EPHA6: variants seen among roughly 807,000 people sequenced by gnomAD.
EPHA6 encodes EPH receptor A6.
A neutral mutation model predicts 112.0 loss-of-function variants in EPHA6; 50 were observed. The observed-to-expected ratio is 0.45, with a 90% CI of 0.36 to 0.56. The LOEUF (loss-of-function observed/expected upper bound fraction) is 0.56, where lower values mean the gene tolerates loss of function less well. Among genes scored for constraint, EPHA6 ranks in the 20% least tolerant of loss-of-function variants. The pLI, the probability that EPHA6 is intolerant of heterozygous loss-of-function variation, is 0.00. For synonymous variants in EPHA6, 529 were observed against 490.7 expected, an observed-to-expected ratio of 1.08 and a Z score of -1.03; for missense variants, 1,280 against 1,417.4, an observed-to-expected ratio of 0.90 and a Z score of 1.56.
chr3:97,021,297 A>G (rs376215098), intron 3 of EPHA6, among the ~76,000 whole-genome samples: 3 of 152,092 alleles, frequency 2.0e-5, no homozygotes, highest in Non-Finnish European at 2.9e-5. Flanking sequence ...AATAATATCC[A>G]AACTCAGGGT....
intron 11 of EPHA6, chr3:97,559,678 A>C (rs953691280): frequency 2.4e-5 from 11 of 454,122 alleles, no homozygotes; most frequent in African/African-American, 2.2e-4. Flanking sequence ...GAAAAGCAAT[A>C]GAGCTAATGT....
In EPHA6 at chr3:97,756,938, T is replaced by A. The variant is rs1322900746; in HGVS notation, c.*8237T>A. On this transcript the variant is annotated 3_prime_UTR_variant, in exon 18 of 18. Coordinates refer to ENST00000389672, the MANE Select transcript of EPHA6 (RefSeq NM_001080448.3). ...GATATTTTACATAATCATACTTATTTTTAATTTTGTGTACAGTGAAAACTT... is the reference window on the plus strand; with the variant it reads ...GATATTTTACATAATCATACTTATTATTAATTTTGTGTACAGTGAAAACTT... 1.3e-5 allele frequency among the ~76,000 whole-genome samples: 2 copies of A among 151,890 alleles called. No homozygotes were observed. Among genetic ancestry groups the A allele is most frequent in the Non-Finnish European group, 3.0e-5 (2 of 67,768 alleles).
chr3:97,142,677 T>A (rs577886506), intron 3 of EPHA6, among the ~76,000 whole-genome samples: 98 of 151,864 alleles, frequency 6.5e-4, no homozygotes, highest in Non-Finnish European at 1.1e-3. Flanking sequence ...TAATAAAACA[T>A]CTTCCAACAA....
intron 5 of EPHA6, among the ~76,000 whole-genome samples, chr3:97,300,549 T>C (rs2081053227): frequency 6.6e-6 from 1 of 152,178 alleles, no homozygotes; most frequent in Non-Finnish European, 1.5e-5. Flanking sequence ...TGGTAAATTA[T>C]GGACATGTTT....
intron 4 of EPHA6, among the ~76,000 whole-genome samples, chr3:97,232,335 G>C (rs1314133620): frequency 6.6e-6 from 1 of 152,068 alleles, no homozygotes; most frequent in Admixed American, 6.5e-5. Context: ...AAAGAAAGCT[G>C]TTCTCTTACA....
intron 3 of EPHA6, among the ~76,000 whole-genome samples, chr3:97,098,689 T>C (rs1284942057): frequency 6.6e-6 from 1 of 151,838 alleles, no homozygotes; most frequent in Non-Finnish European, 1.5e-5. Context: ...TGGAAAAAGG[T>C]AACACTTTTT....
At chr3:97,464,937 G>A (rs944513976) in intron 7 of EPHA6, among the ~76,000 whole-genome samples, 1 of 152,068 alleles carries the variant, frequency 6.6e-6, no homozygotes, top group Admixed American at 6.6e-5. Flanking sequence ...TAGGATAGCA[G>A]AATTATTTGT....
chr3:97,668,325 A>G (rs1185291537), intron 14 of EPHA6, among the ~76,000 whole-genome samples: 1 of 152,178 alleles, frequency 6.6e-6, no homozygotes, highest in African/African-American at 2.4e-5. Flanking sequence ...GGATCCTCAA[A>G]CATCTTGCCT....
chr3:97,648,238 A>T, intron 14 of EPHA6: 1 of 778,276 alleles, frequency 1.3e-6, no homozygotes, highest in Non-Finnish European at 2.3e-6. Context: ...TAATCTGCAT[A>T]ATTACAGTTC....
chr3:97,701,618 GTA>G (rs10576183), intron 14 of EPHA6, among the ~76,000 whole-genome samples: 13,131 of 147,998 alleles, frequency 0.089, 1,837 homozygotes, highest in African/African-American at 0.3. Flanking sequence ...TCATATATAT[GTA>G]TATATATATA....
chr3:97,583,421 C>T (rs984105214), intron 11 of EPHA6, among the ~76,000 whole-genome samples: 1 of 151,820 alleles, frequency 6.6e-6, no homozygotes, highest in Non-Finnish European at 1.5e-5. Context: ...CGCCTGTAGT[C>T]CCAGCTACTC....
intron 8 of EPHA6, among the ~76,000 whole-genome samples, chr3:97,478,441 C>T (rs1033840453): frequency 2.6e-5 from 4 of 151,992 alleles, no homozygotes; most frequent in African/African-American, 9.7e-5. Context: ...AATAGATATA[C>T]CACTTCAAAG....
At chr3:97,646,298 T>G in intron 14 of EPHA6, 2 of 1,527,348 alleles carry the variant, frequency 1.3e-6, no homozygotes, top group Non-Finnish European at 1.7e-6. Flanking sequence ...ACAAGAGAGA[T>G]AACCCTCCAA....
chr3:97,718,043 A>C (rs1250720401), intron 14 of EPHA6, among the ~76,000 whole-genome samples: 2 of 152,220 alleles, frequency 1.3e-5, no homozygotes, highest in Admixed American at 1.3e-4. Context: ...ACAAAGAAAG[A>C]TCCAGCATGA....
intron 6 of EPHA6, among the ~76,000 whole-genome samples, chr3:97,435,686 G>T (rs2089790760): frequency 6.6e-6 from 1 of 152,080 alleles, no homozygotes; most frequent in African/African-American, 2.4e-5. Flanking sequence ...GCAGAACAGG[G>T]CTCTTCACTG....
intron 14 of EPHA6, among the ~76,000 whole-genome samples, chr3:97,641,730 A>G (rs1032142915): frequency 1.3e-5 from 2 of 152,210 alleles, no homozygotes; most frequent in African/African-American, 4.8e-5. Context: ...CGCTTTTCAG[A>G]CCGGCTTAAA....
chr3:97,064,255 T>C (rs777184687), intron 3 of EPHA6, among the ~76,000 whole-genome samples: 2 of 152,154 alleles, frequency 1.3e-5, no homozygotes, highest in Non-Finnish European at 2.9e-5. Flanking sequence ...TGTGTGACAA[T>C]ATGAATATCA....
At chr3:97,616,158 C>T (rs927467553) in intron 13 of EPHA6, among the ~76,000 whole-genome samples, 1 of 152,124 alleles carries the variant, frequency 6.6e-6, no homozygotes, top group African/African-American at 2.4e-5. Context: ...CTGGTGATAC[C>T]TTCAGGTACT....
chr3:96,961,785 A>T (rs2041957157), intron 2 of EPHA6, among the ~76,000 whole-genome samples: 1 of 152,142 alleles, frequency 6.6e-6, no homozygotes, highest in Non-Finnish European at 1.5e-5. Flanking sequence ...AAGCACTAGG[A>T]TGTCTGCTTC....
Sources: allele counts gnomAD v4.1 joint callset (sites outside exome capture counted in the v4.1 genomes callset), GRCh38; gene constraint gnomAD v4.1.1; transcripts MANE v1.5; gene names NCBI Gene and HGNC (gene_info 2026-07-23, HGNC 2026-07-21).